Variants in BEND7 observed in about 807,000 individuals in gnomAD.
BEND7 encodes the protein BEN domain containing 7.
Under a neutral mutation model 50.9 loss-of-function variants are expected in BEND7, and 28 were observed. That is an observed-to-expected ratio of 0.55 (90% CI 0.41 to 0.75). BEND7 has a LOEUF of 0.75. Among genes scored for constraint, BEND7 ranks in the 30% least tolerant of loss-of-function variants. The pLI, the probability that BEND7 is intolerant of heterozygous loss-of-function variation, is 0.00. For missense variants in BEND7, 477 were observed against 491.3 expected, an observed-to-expected ratio of 0.97 and a Z score of 0.28; for synonymous variants, 170 against 183.9, an observed-to-expected ratio of 0.92 and a Z score of 0.61.
intron 6 of BEND7, among the ~76,000 whole-genome samples, chr10:13,467,869 C>G (rs2074408254): frequency 6.6e-6 from 1 of 152,096 alleles, no homozygotes; most frequent in Admixed American, 6.6e-5. Flanking sequence ...TCCCTCTTTC[C>G]TTCCTTCCTG....
chr10:13,474,445 C>G (rs971002416), intron 6 of BEND7, among the ~76,000 whole-genome samples: 2 of 152,080 alleles, frequency 1.3e-5, no homozygotes, highest in Non-Finnish European at 1.5e-5. Flanking sequence ...TATCTGTCAT[C>G]ACTGTTAGAC....
chr10:13,465,876 C>A (rs971414030), intron 6 of BEND7, among the ~76,000 whole-genome samples: 1 of 77,348 alleles, frequency 1.3e-5, no homozygotes, highest in African/African-American at 6.3e-5. Context: ...AGCTATCTCT[C>A]TCTCTCTCGT....
At position 13,515,903 on chromosome 10, in the gene BEND7, C is replaced by T. The variant is rs538488751; in HGVS notation, c.145+10235G>A. Among the ~76,000 whole-genome samples, 4 of 151,776 alleles carry T rather than the reference C, an allele frequency of 2.6e-5. No individual in the cohort carries two copies. The South Asian group carries it at 8.4e-4, about 32-fold the overall frequency. On this transcript the variant is annotated intron_variant, in intron 2 of 8. Coordinates refer to ENST00000466271, the MANE Select transcript of BEND7 (RefSeq NM_001369863.1). ...CATTTGACGGACACAATGGTGTAGA[C>T]GGGGTGCTATCAACAATGGTGTACG...
At chr10:13,525,987 AT>A in intron 2 of BEND7, 150 bp downstream of exon 2, 1 of 357,648 alleles carries the variant, frequency 2.8e-6, no homozygotes, top group Admixed American at 4.1e-5. Flanking sequence ...TAAGGGATAT[AT>A]TGGCAATCTG....
chr10:13,492,974 AC>A, intron 4 of BEND7, 98 bp from the exon 5 acceptor site: 1 of 1,367,980 alleles, frequency 7.3e-7, no homozygotes, highest in Non-Finnish European at 1.0e-6. Context: ...TGAAACCGAA[AC>A]GAGGAAAACT....
chr10:13,480,813 C>T, intron 6 of BEND7, 86 bp downstream of exon 6: 4 of 1,572,290 alleles, frequency 2.5e-6, no homozygotes, highest in Non-Finnish European at 3.5e-6. Flanking sequence ...GGCCACTAGT[C>T]AGTTTACTAC....
intron 6 of BEND7, among the ~76,000 whole-genome samples, chr10:13,473,355 G>C (rs555838034): frequency 5.0e-4 from 76 of 152,190 alleles, no homozygotes; most frequent in South Asian, 1.9e-3. Context: ...TTAGACTCAG[G>C]GCCGATATCG....
chr10:13,508,289 C>T (rs2078038509), intron 2 of BEND7, among the ~76,000 whole-genome samples: 1 of 152,228 alleles, frequency 6.6e-6, no homozygotes, highest in Non-Finnish European at 1.5e-5. Context: ...TGAAAAGCAT[C>T]AGTCTATGGA....
chr10:13,496,820 G>A lies in BEND7; in HGVS notation c.517C>T (p.Gln173Ter). The change falls in exon 4 of 9, where the codon CAG becomes TAG. Residue 173 changes from glutamine (Q) to a stop codon, truncating the protein, a stop_gained. Transcript: ENST00000466271. LOFTEE classifies it high-confidence loss of function. ...CCTCNCQSTL[Q>*]AILQELKTMR... is the part of the protein sequence containing the mutation. The stretch of plus-strand genomic sequence containing the variant: ...GTCTTGAGTTCTTGTAGAATGGCCT[G>A]CAACGTTGACTGGCAGTTACAAGTA... 1.2e-6 allele frequency: 2 copies of A among 1,612,672 alleles called. No individual in the cohort carries two copies. The highest frequency in any genetic ancestry group is 1.7e-6 in the Non-Finnish European group (2 of 1,179,584).
rs915646572 is a variant in BEND7, at chr10:13,441,301, T to C, written c.*442A>G. On this transcript the variant is annotated 3_prime_UTR_variant, in exon 9 of 9. Coordinates refer to ENST00000466271, the MANE Select transcript of BEND7 (RefSeq NM_001369863.1). The stretch of plus-strand genomic sequence containing the variant: ...AGACATTATCCATAGATATGGATTT[T>C]TTTTTTGCTAAGAAAGCCTATAAAA... 3.1e-6 allele frequency: 3 copies of C among 978,444 alleles called. No homozygotes were observed. Among genetic ancestry groups the C allele is most frequent in the Admixed American group, 1.2e-4 (2 of 16,496 alleles). 60.6% of individuals were successfully genotyped at this position (978,444 alleles called of 1,614,324 possible). A position where few individuals can be genotyped will look rare whatever the true frequency, so the allele number is the denominator to read the frequency against.
chr10:13,478,900 T>C lies in BEND7; in HGVS notation c.1063+1999A>G, dbSNP rs78292092. On this transcript the variant is annotated intron_variant, in intron 6 of 8. Coordinates refer to ENST00000466271, the MANE Select transcript of BEND7 (RefSeq NM_001369863.1). ...TGTATGGGAATTTTAAGTTCTTCAA[T>C]TGGAATAATCTACTTTATTATATAT... 1.2e-3 allele frequency among the ~76,000 whole-genome samples: 177 copies of C among 152,284 alleles called. 5 individuals carry two copies. The South Asian group carries it at 0.029, about 25-fold the overall frequency.
chr10:13,529,313 C>G (rs751572896), upstream of BEND7, among the ~76,000 whole-genome samples: 1 of 151,492 alleles, frequency 6.6e-6, no homozygotes, highest in African/African-American at 2.4e-5. Context: ...GAGCTAACTC[C>G]GTGCACCTCG....
At chr10:13,472,490 G>A (rs575243008) in intron 6 of BEND7, among the ~76,000 whole-genome samples, 1 of 152,014 alleles carries the variant, frequency 6.6e-6, no homozygotes, top group East Asian at 1.9e-4. Context: ...TGTTAGACTC[G>A]GGGCTGATAT....
chr10:13,523,447 C>A (rs2079215531), intron 2 of BEND7, among the ~76,000 whole-genome samples: 1 of 152,176 alleles, frequency 6.6e-6, no homozygotes, highest in African/African-American at 2.4e-5. Context: ...CTAGAAGACT[C>A]TTTTTCACCT....
At chr10:13,473,237 A>G (rs1345787724) in intron 6 of BEND7, among the ~76,000 whole-genome samples, 2 of 151,836 alleles carry the variant, frequency 1.3e-5, no homozygotes, top group Non-Finnish European at 1.5e-5. Context: ...CTCAGGGCCG[A>G]TATCTGTCAT....
chr10:13,458,532 C>G (rs998281001), intron 6 of BEND7, among the ~76,000 whole-genome samples: 3 of 152,220 alleles, frequency 2.0e-5, no homozygotes, highest in Admixed American at 1.3e-4. Flanking sequence ...GTGAAATCCT[C>G]TAAGAACTCT....
chr10:13,523,876 T>C (rs2132735896), intron 2 of BEND7, among the ~76,000 whole-genome samples: 1 of 152,204 alleles, frequency 6.6e-6, no homozygotes, highest in East Asian at 1.9e-4. Context: ...GGGAACCAAC[T>C]ACATGATGAC....
rs147003029 is a variant in BEND7 at position 13,499,912 on chromosome 10, G to C, written c.314C>G (p.Ala105Gly). ...WPPRLNSSAEAPQSLHPSSRG... is the reference protein window; with the variant it reads ...WPPRLNSSAEGPQSLHPSSRG... ...TGAAGACGGGTGGAGGCTTTGCGGG[G>C]CCTCAGCAGAGGAGTTCAAACGTGG... The change falls in exon 3 of 9, where the codon GCC becomes GGC. Residue 105 changes from alanine (A) to glycine (G), a missense_variant. Physicochemically the swap from Ala to Gly is moderately conservative, Grantham distance 60. This residue lies in a region of BEND7 where 396 missense variants were observed against 384.2 expected (regional missense o/e 1.03). Coordinates refer to ENST00000466271, the MANE Select transcript of BEND7 (RefSeq NM_001369863.1). 6.2e-7 allele frequency: 1 copy of C among 1,614,180 alleles called. No individual in the cohort carries two copies. The highest frequency in any genetic ancestry group is 8.5e-7 in the Non-Finnish European group (1 of 1,180,034).
intron 2 of BEND7, among the ~76,000 whole-genome samples, chr10:13,501,473 C>A (rs1054561264): frequency 2.0e-5 from 3 of 151,650 alleles, no homozygotes; most frequent in Non-Finnish European, 2.9e-5. Context: ...AACACACTAT[C>A]TTCTTAAACT....
Sources: gnomAD v4.1 joint callset for allele counts (sites outside exome capture counted in the v4.1 genomes callset) on GRCh38, gnomAD v4.1.1 for gene constraint, gnomAD v4.1.1 regional missense constraint, MANE v1.5 for transcripts, NCBI Gene and HGNC (gene_info 2026-07-23, HGNC 2026-07-21) for gene names.